The following AGBL4 variants were observed in gnomAD, a reference collection of about 807,000 sequenced individuals.
AGBL4 encodes AGBL carboxypeptidase 4, also known as cytosolic carboxypeptidase 6.
A neutral mutation model predicts 66.4 loss-of-function variants in AGBL4; 58 were observed. The observed-to-expected ratio is 0.87, with a 90% confidence interval of 0.71 to 1.09. AGBL4 has a LOEUF of 1.09. Among genes scored for constraint, AGBL4 ranks in the 50% least tolerant of loss-of-function variants. AGBL4 has a pLI of 0.00. For missense variants in AGBL4, 579 were observed against 631.0 expected, an observed-to-expected ratio of 0.92 and a Z score of 0.88; for synonymous variants, 234 against 222.9, an observed-to-expected ratio of 1.05 and a Z score of -0.44.
chr1:49,229,778 C>T (rs1650169128), intron 4 of AGBL4, among the ~76,000 whole-genome samples: 1 of 152,176 alleles, frequency 6.6e-6, no homozygotes, highest in Admixed American at 6.5e-5. Context: ...CTGGGGCTGG[C>T]TGTCATAGCA....
rs535262239 is a variant in AGBL4 at position 48,947,898 on chromosome 1, G to T, written c.595-80668C>A. Among the ~76,000 whole-genome samples, 17 of 142,604 alleles carry T rather than the reference G, an allele frequency of 1.2e-4. No homozygotes were observed. In the East Asian group the frequency reaches 1.4e-3, roughly 12 times the overall value. The allele number at this position is 142,604 out of a possible 152,430, so 93.6% of individuals were successfully genotyped here. On this transcript the variant is annotated intron_variant, in intron 5 of 13. Coordinates refer to ENST00000371839, the MANE Select transcript of AGBL4 (RefSeq NM_032785.4). ...CTGCTAAATACAGGTTTTTTGTTTT[G>T]TTTTTTTTTTTGAGATGGAGTCTCA...
At chr1:50,017,049 C>A (rs183516353) in intron 1 of AGBL4, 6 of 152,112 alleles carry the variant, frequency 3.9e-5, no homozygotes, top group Admixed American at 3.9e-4. Context: ...AGCCCATCAA[C>A]AGTGGACAGG....
At chr1:49,532,173 G>A (rs557726005) in intron 3 of AGBL4, among the ~76,000 whole-genome samples, 1 of 152,250 alleles carries the variant, frequency 6.6e-6, no homozygotes, top group South Asian at 2.1e-4. Context: ...AAGCAAACTA[G>A]ACTGTCATCT....
intron 6 of AGBL4, among the ~76,000 whole-genome samples, chr1:48,704,641 G>A (rs1646854136): frequency 6.6e-6 from 1 of 152,098 alleles, no homozygotes; most frequent in Non-Finnish European, 1.5e-5. Context: ...CGCAAGGTCA[G>A]GATCAACAAT....
At chr1:49,751,123 T>C (rs1230095023) in intron 2 of AGBL4, among the ~76,000 whole-genome samples, 1 of 152,202 alleles carries the variant, frequency 6.6e-6, no homozygotes, top group African/African-American at 2.4e-5. Context: ...TCCAATACTA[T>C]GTCGAATAGG....
chr1:49,846,533 G>C, intron 2 of AGBL4: 1 of 563,502 alleles, frequency 1.8e-6, no homozygotes, highest in East Asian at 3.2e-5. Flanking sequence ...ATACAAAAGT[G>C]AAGAGACAAT....
At chr1:50,022,331 G>A (rs74752658) in intron 1 of AGBL4, among the ~76,000 whole-genome samples, 12,392 of 152,176 alleles carry the variant, frequency 0.081, 707 homozygotes, top group African/African-American at 0.17. Context: ...AACAAGGTAA[G>A]CTCATCCAAA....
At chr1:49,738,587 G>A (rs1650111939) in intron 2 of AGBL4, among the ~76,000 whole-genome samples, 1 of 152,192 alleles carries the variant, frequency 6.6e-6, no homozygotes, top group Admixed American at 6.5e-5. Flanking sequence ...CTAGAGATGT[G>A]AGAAAGGACA....
At chr1:49,786,475 A>G (rs954248474) in intron 2 of AGBL4, among the ~76,000 whole-genome samples, 2 of 152,160 alleles carry the variant, frequency 1.3e-5, no homozygotes, top group African/African-American at 4.8e-5. Context: ...CATTGAGAAC[A>G]CTTATTTTAA....
At chr1:49,679,232 C>G (rs1299221740) in intron 3 of AGBL4, among the ~76,000 whole-genome samples, 4 of 152,104 alleles carry the variant, frequency 2.6e-5, no homozygotes, top group Admixed American at 2.0e-4. Context: ...TTGATACATA[C>G]ACATTCAGAA....
At chr1:49,750,653 G>A (rs778128411) in intron 2 of AGBL4, among the ~76,000 whole-genome samples, 3 of 152,164 alleles carry the variant, frequency 2.0e-5, no homozygotes, top group Non-Finnish European at 4.4e-5. Context: ...GATGGGAATG[G>A]CATTGAATCT....
chr1:49,736,435 A>C (rs1649895205), intron 2 of AGBL4, among the ~76,000 whole-genome samples: 1 of 152,158 alleles, frequency 6.6e-6, no homozygotes, highest in Non-Finnish European at 1.5e-5. Context: ...TAACAAAAGA[A>C]ATTTCAGAAA....
intron 6 of AGBL4, among the ~76,000 whole-genome samples, chr1:48,785,617 C>T (rs565280949): frequency 4.6e-5 from 7 of 152,246 alleles, no homozygotes; most frequent in African/African-American, 1.4e-4. Context: ...AAATGATGTA[C>T]ACAGAAGAAA....
intron 6 of AGBL4, among the ~76,000 whole-genome samples, chr1:48,713,889 A>C (rs1419606578): frequency 3.9e-5 from 6 of 152,220 alleles, no homozygotes; most frequent in African/African-American, 1.4e-4. Flanking sequence ...GATCTGCAAC[A>C]TAAGACTGTG....
chr1:48,865,132 C>A (rs6684570), intron 6 of AGBL4, among the ~76,000 whole-genome samples: 135,198 of 151,892 alleles, frequency 0.89, 60,746 homozygotes, highest in Non-Finnish European at 0.96. Context: ...CTACTGGCAG[C>A]GCAAGAAAGG....
chr1:48,647,325 T>G (rs928580600), intron 8 of AGBL4, among the ~76,000 whole-genome samples: 59 of 152,330 alleles, frequency 3.9e-4, no homozygotes, highest in African/African-American at 1.4e-3. Context: ...TGCTATCTTT[T>G]GGGTAACTGC....
Position 48,925,176 on chromosome 1 carries a change from A to ATG in AGBL4, c.595-57948_595-57947dup, listed in dbSNP as rs1164058436. 4.4e-3 allele frequency among the ~76,000 whole-genome samples: 647 copies of ATG among 147,974 alleles called. 9 individuals are homozygous for ATG. Among genetic ancestry groups the ATG allele is most frequent in the African/African-American group, 0.015 (615 of 40,466 alleles). The stretch of plus-strand genomic sequence containing the variant: ...CACACACACACACACACACACACAT[A>ATG]TGTGTGTGTGTGTACAGTCATCCCT... On this transcript the variant is annotated intron_variant, in intron 5 of 13. Transcript: ENST00000371839.
At chr1:49,564,316 C>G (rs181277567) in intron 3 of AGBL4, among the ~76,000 whole-genome samples, 5 of 152,068 alleles carry the variant, frequency 3.3e-5, no homozygotes, top group African/African-American at 9.7e-5. Context: ...TTCAGTTCTG[C>G]TCTGATTTTA....
At chr1:49,297,064 A>G (rs1356197030) in intron 3 of AGBL4, among the ~76,000 whole-genome samples, 1 of 152,236 alleles carries the variant, frequency 6.6e-6, no homozygotes, top group African/African-American at 2.4e-5. Context: ...AATCCAAGGC[A>G]GCTCATTCCT....
Sources: gnomAD v4.1 joint callset for allele counts (sites outside exome capture counted in the v4.1 genomes callset) on GRCh38, gnomAD v4.1.1 for gene constraint, MANE v1.5 for transcripts, NCBI Gene and HGNC (gene_info 2026-07-23, HGNC 2026-07-21) for gene names.